The following GPT2 variants were observed in gnomAD, a reference collection of about 807,000 sequenced individuals.
GPT2 encodes alanine aminotransferase 2.
A neutral mutation model predicts 56.9 loss-of-function variants in GPT2; 30 were observed. The ratio of observed to expected loss-of-function variants is 0.53; its 90% confidence interval spans 0.39 to 0.72. GPT2 has a LOEUF of 0.72. GPT2 is among the 30% of genes least tolerant of loss of function. The probability of loss-of-function intolerance (pLI) is 0.00; values close to 1 mark genes in which losing one functional copy is unlikely to be tolerated. For synonymous variants in GPT2, 271 were observed against 283.1 expected (o/e 0.96, Z 0.43); for missense variants, 542 against 703.4 (o/e 0.77, Z 2.60).
intron 3 of GPT2, 139 bp downstream of exon 3, chr16:46,897,876 T>C: frequency 1.5e-6 from 1 of 687,736 alleles, no homozygotes. Context: ...TTAGCCTCCT[T>C]CCTGCCTTTC....
Position 46,893,995 on chromosome 16 carries a change from G to C in GPT2, c.244-3653G>C, listed in dbSNP as rs535299270. Among the ~76,000 whole-genome samples, 6 of 152,268 alleles carry C rather than the reference G, an allele frequency of 3.9e-5. No homozygotes were observed. In the South Asian group the frequency reaches 8.3e-4, roughly 21 times the overall value. On this transcript the variant is annotated intron_variant, in intron 2 of 11. Coordinates refer to ENST00000340124, the MANE Select transcript of GPT2 (RefSeq NM_133443.4). The stretch of plus-strand genomic sequence containing the variant: ...CATCCCATGTAGACCTTGAGTTCCC[G>C]GATGCAGGAGTGTGCTCAGAACAGT...
At chr16:46,907,556 G>C (rs1960957565) in intron 5 of GPT2, among the ~76,000 whole-genome samples, 1 of 152,220 alleles carries the variant, frequency 6.6e-6, no homozygotes, top group Non-Finnish European at 1.5e-5. Context: ...CTGAGCTGAA[G>C]GTCACTGTGT....
intron 2 of GPT2, among the ~76,000 whole-genome samples, chr16:46,887,326 G>A (rs1258144993): frequency 6.6e-6 from 1 of 152,086 alleles, no homozygotes; most frequent in East Asian, 1.9e-4. Flanking sequence ...AAATTAGCCG[G>A]GCATGGTGGT....
At position 46,922,107 on chromosome 16, in the gene GPT2, C is replaced by G; in HGVS notation, c.1038-135C>G. On this transcript the variant is annotated intron_variant, in intron 8 of 11. Transcript: ENST00000340124. ...CACAATCATCACTGTTGTTCACCTT[C>G]CATTGGCAAGAACTCAGCCACACCT... The G allele has an allele frequency of 4.1e-6, 3 of 724,868 alleles. No individual in the cohort carries two copies. In the South Asian group the frequency reaches 5.0e-5, roughly 12 times the overall value. The allele number at this position is 724,868 out of a possible 1,614,324, so 44.9% of individuals were successfully genotyped here.
intron 6 of GPT2, among the ~76,000 whole-genome samples, chr16:46,912,026 G>C (rs183958331): frequency 2.0e-5 from 3 of 152,108 alleles, no homozygotes; most frequent in Non-Finnish European, 4.4e-5. Flanking sequence ...CCTTGCTCCC[G>C]GGGTCTTCAC....
In GPT2 at chr16:46,922,395, G is replaced by A; in HGVS notation, c.1191G>A (p.Glu397=). Residue 397 remains glutamate (E), a synonymous_variant, in exon 9 of 12, where the codon GAG becomes GAA. Transcript: ENST00000340124. ...TGAACCCCCCGGTGGCAGGAGAGGA[G>A]TCCTTTGAGCAATTCAGCCGAGTGA... is the stretch of plus-strand genomic sequence containing the variant. ...IVVNPPVAGE[E]SFEQFSREKE... The A allele has an allele frequency of 6.2e-7, 1 of 1,612,982 alleles. No individual in the cohort carries two copies. Among genetic ancestry groups the A allele is most frequent in the African/African-American group, 1.3e-5 (1 of 75,036 alleles).
chr16:46,898,924 A>C lies in GPT2; in HGVS notation c.333+1187A>C, dbSNP rs530090369. Among the ~76,000 whole-genome samples the C allele has an allele frequency of 2.1e-5, 3 of 143,498 alleles. No individual in the cohort carries two copies. In the South Asian group the frequency reaches 6.4e-4, roughly 30 times the overall value. 94.1% of individuals were successfully genotyped at this position (143,498 alleles called of 152,430 possible). A position where few individuals can be genotyped will look rare whatever the true frequency, so the allele number is the denominator to read the frequency against. On this transcript the variant is annotated intron_variant, in intron 3 of 11. Coordinates refer to ENST00000340124, the MANE Select transcript of GPT2 (RefSeq NM_133443.4). ...TACACATATATATACACACACATATATATGTGTATATATATACACACACAT... is the reference window on the plus strand; with the variant it reads ...TACACATATATATACACACACATATCTATGTGTATATATATACACACACAT...
intron 9 of GPT2, 145 bp downstream of exon 9, chr16:46,922,561 T>G (rs1043309056): frequency 7.1e-6 from 5 of 704,830 alleles, no homozygotes; most frequent in Non-Finnish European, 1.1e-5. Context: ...CTTCAGAGCC[T>G]GAACCACCCC....
rs1961485798 is a variant in GPT2 at position 46,929,395 on chromosome 16, C to CA, written c.*399dup. ...GTGGTGAGGGCTGGAAATCCAAACT[C>CA]ACCACCATGATCTGTGAAATAAAGC... On this transcript the variant is annotated 3_prime_UTR_variant, in exon 12 of 12. Transcript: ENST00000340124. 1 of 229,012 alleles carries CA rather than the reference C, an allele frequency of 4.4e-6. No individual in the cohort carries two copies. Among genetic ancestry groups the CA allele is most frequent in the South Asian group, 6.8e-5 (1 of 14,800 alleles). The allele number at this position is 229,012 out of a possible 1,614,324, so 14.2% of individuals were successfully genotyped here.
chr16:46,922,264 A>G lies in GPT2; in HGVS notation c.1060A>G (p.Met354Val), dbSNP rs1295610480. Residue 354 changes from methionine (M) to valine (V), a missense_variant, in exon 9 of 12, where the codon ATG (methionine) becomes GTG (valine). By Grantham distance (21) the Met-to-Val change is conservative (BLOSUM62 1). Coordinates refer to ENST00000340124, the MANE Select transcript of GPT2 (RefSeq NM_133443.4). ...CAGGTGTGGTTACAGAGGAGGCTACATGGAGGTGATCAACCTGCACCCTGA... is the reference window on the plus strand; with the variant it reads ...CAGGTGTGGTTACAGAGGAGGCTACGTGGAGGTGATCAACCTGCACCCTGA... ...MGECGYRGGY[M>V]EVINLHPEIK... The G allele has an allele frequency of 1.2e-6, 2 of 1,614,010 alleles. No homozygotes were observed. Among genetic ancestry groups the G allele is most frequent in the South Asian group, 1.1e-5 (1 of 91,062 alleles).
chr16:46,924,745 A>C (rs2143562955), intron 10 of GPT2, among the ~76,000 whole-genome samples: 2 of 152,282 alleles, frequency 1.3e-5, no homozygotes, highest in Middle Eastern at 3.4e-3. Flanking sequence ...ATGGGCAAAC[A>C]TGAGGTGGGC....
intron 2 of GPT2, chr16:46,885,326 A>T: frequency 3.2e-6 from 3 of 926,412 alleles, no homozygotes; most frequent in Non-Finnish European, 3.9e-6. Flanking sequence ...AAGTTCTTGG[A>T]AAAAAGTAAA....
chr16:46,928,940 A>G lies in GPT2; in HGVS notation c.1515A>G (p.Lys505=), dbSNP rs544207301. The G allele has an allele frequency of 6.2e-7, 1 of 1,614,126 alleles. No individual in the cohort carries two copies. The highest frequency in any genetic ancestry group is 1.1e-5 in the South Asian group (1 of 91,078). ...MTILPPVEKL[K]TVLQKVKDFH... is the part of the protein sequence containing the mutation. ...TCCTCCCTCCAGTGGAGAAGCTGAA[A>G]ACGGTGCTGCAGAAGGTGAAAGACT... The change falls in exon 12 of 12, where the codon AAA becomes AAG. Residue 505 remains lysine (K), a synonymous_variant. Transcript: ENST00000340124.
Position 46,884,762 on chromosome 16 carries a change from C to A in GPT2, c.47C>A (p.Thr16Asn). The A allele has an allele frequency of 1.4e-6, 2 of 1,467,876 alleles. No homozygotes were observed. The highest frequency in any genetic ancestry group is 1.8e-6 in the Non-Finnish European group (2 of 1,108,492). The allele number at this position is 1,467,876 out of a possible 1,614,324, so 90.9% of individuals were successfully genotyped here. Residue 16 changes from threonine (T) to asparagine (N), a missense_variant, in exon 2 of 12, where the codon ACC (threonine) becomes AAC (asparagine). Coordinates refer to ENST00000340124, the MANE Select transcript of GPT2 (RefSeq NM_133443.4). The stretch of plus-strand genomic sequence containing the variant: ...GTCCGGCGGGGCTGTGGTCCCCGGA[C>A]CCCCAGCTCCTGGGGCCGCAGCCAG... ...ALVRRGCGPR[T>N]PSSWGRSQSS...
chr16:46,923,578 T>C (rs1052625817), intron 9 of GPT2, among the ~76,000 whole-genome samples: 3 of 152,246 alleles, frequency 2.0e-5, no homozygotes, highest in Admixed American at 6.5e-5. Context: ...GGCTGAACCA[T>C]GCTCCCCACG....
chr16:46,910,550 G>A (rs1399895727), intron 6 of GPT2, among the ~76,000 whole-genome samples: 1 of 152,080 alleles, frequency 6.6e-6, no homozygotes, highest in Non-Finnish European at 1.5e-5. Context: ...ATGAGACCTT[G>A]TCTAAAAAGT....
chr16:46,898,975 CATAT>C (rs60743914), intron 3 of GPT2, among the ~76,000 whole-genome samples: 105,944 of 132,012 alleles, frequency 0.8, 43,575 homozygotes, highest in East Asian at 0.98. Flanking sequence ...TACACACACA[CATAT>C]ATATATATAT....
In GPT2 at chr16:46,884,366, C is replaced by G. The variant is rs1158069891; in HGVS notation, c.-124C>G. The G allele has an allele frequency of 5.6e-6, 1 of 179,854 alleles. No individual in the cohort carries two copies. The highest frequency in any genetic ancestry group is 2.4e-5 in the African/African-American group (1 of 42,374). 11.1% of individuals were successfully genotyped at this position (179,854 alleles called of 1,614,324 possible). A position where few individuals can be genotyped will look rare whatever the true frequency, so the allele number is the denominator to read the frequency against. Reference sequence around the variant, plus strand: ...GTGCGAGCGCAGGGGCCGGGCGGCGCGGGCGCCGGGCGCGGGGATGCGGCT... The same window carrying G: ...GTGCGAGCGCAGGGGCCGGGCGGCGGGGGCGCCGGGCGCGGGGATGCGGCT... On this transcript the variant is annotated 5_prime_UTR_variant, in exon 1 of 12. Coordinates refer to ENST00000340124, the MANE Select transcript of GPT2 (RefSeq NM_133443.4).
intron 4 of GPT2, among the ~76,000 whole-genome samples, chr16:46,904,645 C>T (rs1002349305): frequency 6.6e-6 from 1 of 152,018 alleles, no homozygotes; most frequent in Non-Finnish European, 1.5e-5. Flanking sequence ...AAGCAGAGGG[C>T]TTGCTAATGG....
Sources: gnomAD v4.1 joint callset for allele counts (sites outside exome capture counted in the v4.1 genomes callset) on GRCh38, gnomAD v4.1.1 for gene constraint, MANE v1.5 for transcripts, NCBI Gene and HGNC (gene_info 2026-07-23, HGNC 2026-07-21) for gene names.